The following RHD variants were observed in gnomAD, a reference collection of about 807,000 sequenced individuals.
The protein encoded by RHD is blood group Rh(D) polypeptide.
RHD carries 16 observed loss-of-function variants against 45.5 expected under a neutral mutation model. The observed-to-expected ratio is 0.35, with a 90% CI of 0.24 to 0.53. The LOEUF (loss-of-function observed/expected upper bound fraction) is 0.53. Among genes scored for constraint, RHD ranks in the 20% least tolerant of loss-of-function variants. The pLI is 0.92. For missense variants in RHD, 306 were observed against 532.0 expected, an observed-to-expected ratio of 0.58 and a Z score of 4.18; for synonymous variants, 131 against 217.5, an observed-to-expected ratio of 0.60 and a Z score of 3.50.
At chr1:25,295,850 ATTTTT>A (rs61131306) in intron 3 of RHD, among the ~76,000 whole-genome samples, 1 of 81,320 alleles carries the variant, frequency 1.2e-5, no homozygotes, top group African/African-American at 4.3e-5. Flanking sequence ...AATATGGGAA[ATTTTT>A]TTTTTTTTTT....
At chr1:25,315,204 T>C (rs1644376416) in intron 7 of RHD, among the ~76,000 whole-genome samples, 1 of 130,154 alleles carries the variant, frequency 7.7e-6, no homozygotes, top group African/African-American at 2.6e-5. Flanking sequence ...CTGATTTTTT[T>C]CCTAAAAATC....
rs185525813 is a variant in RHD at position 25,282,784 on chromosome 1, G to A, written c.149-1789G>A. Among the ~76,000 whole-genome samples the A allele has an allele frequency of 3.1e-3, 406 of 130,246 alleles. 59 individuals carry two copies. Among genetic ancestry groups the A allele is most frequent in the African/African-American group, 8.6e-3 (329 of 38,292 alleles). 85.4% of individuals were successfully genotyped at this position (130,246 alleles called of 152,430 possible). ...GCGCGCGCCTGTGGTTCCCACTGAA[G>A]CACAGGAGGCTGAAGCACAAGAATC... On this transcript the variant is annotated intron_variant, in intron 1 of 9. Coordinates refer to ENST00000328664, the MANE Select transcript of RHD (RefSeq NM_016124.6).
At chr1:25,298,245 A>G (rs1406513932) in intron 3 of RHD, among the ~76,000 whole-genome samples, 1 of 109,750 alleles carries the variant, frequency 9.1e-6, no homozygotes, top group Non-Finnish European at 2.2e-5. Context: ...AGAGGAGTAA[A>G]TTTCAGAGGC....
At position 25,304,549 on chromosome 1, in the gene RHD, A is replaced by T. The variant is rs1643646609; in HGVS notation, c.939+1090A>T. The T allele has an allele frequency of 1.5e-5, 2 of 129,288 alleles. 1 individual carries two copies. The highest frequency in any genetic ancestry group is 4.8e-4 in the South Asian group (2 of 4,154). 8.0% of individuals were successfully genotyped at this position (129,288 alleles called of 1,614,324 possible). Reference sequence around the variant, plus strand: ...GGAGACAGAGCTTGCAGTGAGCTGAAATCGTGCCATGGCACTCCAGCCTGG... The same window carrying T: ...GGAGACAGAGCTTGCAGTGAGCTGATATCGTGCCATGGCACTCCAGCCTGG... On this transcript the variant is annotated intron_variant, in intron 6 of 9. Transcript: ENST00000328664.
intron 1 of RHD, among the ~76,000 whole-genome samples, chr1:25,276,794 T>C (rs1641036966): frequency 7.6e-6 from 1 of 132,086 alleles, no homozygotes; most frequent in Non-Finnish European, 1.8e-5. Flanking sequence ...AGGCTGGGTG[T>C]AGTGGCTCAC....
At chr1:25,319,130 A>C (rs138391986) in intron 8 of RHD, among the ~76,000 whole-genome samples, 1,401 of 131,724 alleles carry the variant, frequency 0.011, 7 homozygotes, top group African/African-American at 0.034. Context: ...TGGGACTCAC[A>C]CTATTCACTG....
In RHD at chr1:25,301,001, T is replaced by C. The variant is rs149700508; in HGVS notation, c.542T>C (p.Leu181Pro). 5.8e-6 allele frequency: 8 copies of C among 1,376,048 alleles called. 1 individual carries two copies. The African/African-American group carries it at 1.0e-4, about 18-fold the overall frequency. The allele number at this position is 1,376,048 out of a possible 1,614,324, so 85.2% of individuals were successfully genotyped here. A position where few individuals can be genotyped will look rare whatever the true frequency, so the allele number is the denominator to read the frequency against. The change falls in exon 4 of 10, where the codon CTG (leucine) becomes CCG (proline). Residue 181 changes from leucine (L) to proline (P), a missense_variant. Coordinates refer to ENST00000328664, the MANE Select transcript of RHD (RefSeq NM_016124.6). Reference protein sequence around the residue: ...HIYVFAAYFGLSVAWCLPKPL... With the variant: ...HIYVFAAYFGPSVAWCLPKPL... ...TACGTGTTCGCAGCCTATTTTGGGC[T>C]GTCTGTGGCCTGGTGCCTGCCAAAG...
rs1333193716 is a variant in RHD, at chr1:25,277,447, G to A, written c.148+4752G>A. On this transcript the variant is annotated intron_variant, in intron 1 of 9. Coordinates refer to ENST00000328664, the MANE Select transcript of RHD (RefSeq NM_016124.6). ...GAAGCTCTGGGCCTGGGGCCCAGCA[G>A]TCTGTGTTTTCACAAGCCCTCTTGG... Among the ~76,000 whole-genome samples the A allele has an allele frequency of 1.8e-4, 24 of 132,938 alleles. 2 individuals are homozygous for A. The highest frequency in any genetic ancestry group is 1.8e-3 in the East Asian group (9 of 5,102). 87.2% of individuals were successfully genotyped at this position (132,938 alleles called of 152,430 possible).
chr1:25,312,957 T>TAAAAAAAAAAA (rs1491188755), intron 7 of RHD, among the ~76,000 whole-genome samples: 2 of 24,430 alleles, frequency 8.2e-5, no homozygotes, highest in Non-Finnish European at 2.8e-4. Flanking sequence ...AAAAAAAAAC[T>TAAAAAAAAAAA]TTAGTGCTAT....
chr1:25,319,325 G>A (rs1644576524), intron 8 of RHD, among the ~76,000 whole-genome samples: 3 of 132,734 alleles, frequency 2.3e-5, no homozygotes, highest in African/African-American at 5.1e-5. Context: ...TGAGCAAACT[G>A]GTGATTAAAA....
intron 2 of RHD, among the ~76,000 whole-genome samples, chr1:25,287,691 T>C (rs1189205813): frequency 1.5e-5 from 2 of 135,468 alleles, no homozygotes; most frequent in Admixed American, 1.4e-4. Flanking sequence ...AAAATGAAAA[T>C]AAACGGAACT....
intron 6 of RHD, among the ~76,000 whole-genome samples, chr1:25,306,238 T>A (rs534359636): frequency 7.6e-6 from 1 of 131,622 alleles, no homozygotes; most frequent in East Asian, 2.0e-4. Context: ...CTGCTTAACA[T>A]CCTACAGTAC....
chr1:25,302,523 G>C (rs1162134388), intron 5 of RHD, among the ~76,000 whole-genome samples: 1 of 129,948 alleles, frequency 7.7e-6, no homozygotes, highest in Admixed American at 7.5e-5. Flanking sequence ...AGGCAGGAGT[G>C]GGTGTCAACT....
In RHD at chr1:25,307,915, C is replaced by G; in HGVS notation, c.1073+1186C>G. 3 of 969,770 alleles carry G rather than the reference C, an allele frequency of 3.1e-6. No individual in the cohort carries two copies. The South Asian group carries it at 4.3e-5, about 14-fold the overall frequency. 60.1% of individuals were successfully genotyped at this position (969,770 alleles called of 1,614,324 possible). On this transcript the variant is annotated intron_variant, in intron 7 of 9. Transcript: ENST00000328664. ...GATGTGTCTGCCACTGTCTTAATAA[C>G]TGTGCAATTCTAAGCAGAACCTTTC...
Position 25,300,524 on chromosome 1 carries a change from A to C in RHD, c.487-422A>C, listed in dbSNP as rs1188506742. Among the ~76,000 whole-genome samples the C allele has an allele frequency of 2.4e-5, 3 of 126,808 alleles. 1 individual carries two copies. Among genetic ancestry groups the C allele is most frequent in the African/African-American group, 8.2e-5 (3 of 36,634 alleles). The allele number at this position is 126,808 out of a possible 152,430, so 83.2% of individuals were successfully genotyped here. ...AAGACTCTGTCTCAAAAAAAAAAAA[A>C]AAAGGCCAGGCGCAGTGGCTCATGC... On this transcript the variant is annotated intron_variant, in intron 3 of 9. Transcript: ENST00000328664.
rs1465952591 is a variant in RHD, at chr1:25,288,701, G to C, written c.336-1940G>C. 2.4e-5 allele frequency among the ~76,000 whole-genome samples: 3 copies of C among 127,450 alleles called. 1 individual carries two copies. Among genetic ancestry groups the C allele is most frequent in the South Asian group, 2.4e-4 (1 of 4,206 alleles). The allele number at this position is 127,450 out of a possible 152,430, so 83.6% of individuals were successfully genotyped here. The stretch of plus-strand genomic sequence containing the variant: ...CACAGCCAGAAAGTGTCTGAGTCAA[G>C]ATTCCAGCCCAGGCAGCCTAGACCT... On this transcript the variant is annotated intron_variant, in intron 2 of 9. Coordinates refer to ENST00000328664, the MANE Select transcript of RHD (RefSeq NM_016124.6).
chr1:25,298,908 C>T (rs540839480), intron 3 of RHD, among the ~76,000 whole-genome samples: 2 of 127,780 alleles, frequency 1.6e-5, no homozygotes, highest in East Asian at 3.9e-4. Context: ...AGAGGGTGGC[C>T]AGGGGCAGCT....
At chr1:25,306,764 A>T in intron 7 of RHD, 35 bp downstream of exon 7, 1 of 1,366,462 alleles carries the variant, frequency 7.3e-7, no homozygotes. Context: ...TCCCCTTAAC[A>T]CTCCCCTCCA....
At position 25,320,065 on chromosome 1, in the gene RHD, A is replaced by G. The variant is rs944573435; in HGVS notation, c.1154-1824A>G. 8.4e-5 allele frequency among the ~76,000 whole-genome samples: 11 copies of G among 130,596 alleles called. 3 individuals carry two copies. The highest frequency in any genetic ancestry group is 1.5e-4 in the Non-Finnish European group (8 of 55,142). The allele number at this position is 130,596 out of a possible 152,430, so 85.7% of individuals were successfully genotyped here. A position where few individuals can be genotyped will look rare whatever the true frequency, so the allele number is the denominator to read the frequency against. On this transcript the variant is annotated intron_variant, in intron 8 of 9. Transcript: ENST00000328664. Reference sequence around the variant, plus strand: ...AGGCATGCACCACCACACCCGGCTAATTTTGTATTTTTAGTAGAGACAGGG... The same window carrying G: ...AGGCATGCACCACCACACCCGGCTAGTTTTGTATTTTTAGTAGAGACAGGG...
Sources: allele counts gnomAD v4.1 joint callset (sites outside exome capture counted in the v4.1 genomes callset), GRCh38; gene constraint gnomAD v4.1.1; transcripts MANE v1.5; gene names NCBI Gene and HGNC (gene_info 2026-07-23, HGNC 2026-07-21).